Variants in CNTN1 observed in about 807,000 individuals in gnomAD.
CNTN1 encodes the protein contactin-1.
A neutral mutation model predicts 126.4 loss-of-function variants in CNTN1; 38 were observed. The ratio of observed to expected loss-of-function variants is 0.30; its 90% CI spans 0.23 to 0.39. CNTN1 has a LOEUF of 0.39. Among genes scored for constraint, CNTN1 ranks in the 10% least tolerant of loss-of-function variants. The probability of loss-of-function intolerance (pLI) is 1.00; values close to 1 mark genes in which losing one functional copy is unlikely to be tolerated. For synonymous variants in CNTN1, 413 were observed against 422.6 expected (o/e 0.98, Z 0.28); for missense variants, 1,009 against 1,248.4 (o/e 0.81, Z 2.89).
At chr12:40,747,752 G>T (rs369948776) in intron 1 of CNTN1, among the ~76,000 whole-genome samples, 2 of 152,154 alleles carry the variant, frequency 1.3e-5, no homozygotes. Context: ...TATTAATGTC[G>T]ATGGACTTGA....
At chr12:40,946,495 A>C (rs1396064712) in intron 14 of CNTN1, among the ~76,000 whole-genome samples, 1 of 152,170 alleles carries the variant, frequency 6.6e-6, no homozygotes, top group South Asian at 2.1e-4. Flanking sequence ...TAGGTTAAAT[A>C]AAACACTGAA....
At chr12:40,867,163 T>C (rs1187427585) in intron 1 of CNTN1, among the ~76,000 whole-genome samples, 1 of 152,172 alleles carries the variant, frequency 6.6e-6, no homozygotes, top group Non-Finnish European at 1.5e-5. Context: ...AGTTCAATCG[T>C]AAATCACTGA....
intron 18 of CNTN1, among the ~76,000 whole-genome samples, chr12:41,014,916 C>G (rs78308585): frequency 1.3e-5 from 2 of 152,178 alleles, no homozygotes; most frequent in Non-Finnish European, 2.9e-5. Flanking sequence ...TCTGACAAAA[C>G]TGTCTGACTT....
At chr12:41,049,068 C>A (rs1334760411) in intron 23 of CNTN1, among the ~76,000 whole-genome samples, 1 of 152,172 alleles carries the variant, frequency 6.6e-6, no homozygotes, top group African/African-American at 2.4e-5. Flanking sequence ...TGGCCACTTT[C>A]TCTTTCTTGG....
At chr12:40,927,500 G>C (rs1357407955) in intron 6 of CNTN1, among the ~76,000 whole-genome samples, 3 of 151,934 alleles carry the variant, frequency 2.0e-5, no homozygotes, top group Non-Finnish European at 4.4e-5. Flanking sequence ...TATGACCTCA[G>C]GCAAGTCACT....
intron 21 of CNTN1, among the ~76,000 whole-genome samples, chr12:41,025,810 G>A (rs1306082246): frequency 6.6e-6 from 1 of 152,098 alleles, no homozygotes; most frequent in Non-Finnish European, 1.5e-5. Flanking sequence ...GTTTTAGGTG[G>A]TTCATAAAAC....
chr12:40,925,728 G>A (rs1391808299), intron 6 of CNTN1, among the ~76,000 whole-genome samples: 6 of 139,788 alleles, frequency 4.3e-5, no homozygotes, highest in Admixed American at 7.3e-5. Context: ...AATACAGGAG[G>A]TACATATAAA....
At chr12:40,746,528 A>G (rs967475078) in intron 1 of CNTN1, among the ~76,000 whole-genome samples, 1 of 152,120 alleles carries the variant, frequency 6.6e-6, no homozygotes, top group African/African-American at 2.4e-5. Flanking sequence ...AAGGAAGGAA[A>G]GTACTTTGGA....
chr12:41,041,126 G>T (rs77654702), intron 23 of CNTN1, among the ~76,000 whole-genome samples: 133 of 125,736 alleles, frequency 1.1e-3, no homozygotes, highest in African/African-American at 8.8e-4. Context: ...TAGCATGAAG[G>T]GTTGTTGAAT....
intron 1 of CNTN1, among the ~76,000 whole-genome samples, chr12:40,724,636 A>T (rs1942303045): frequency 6.6e-6 from 1 of 152,224 alleles, no homozygotes; most frequent in Non-Finnish European, 1.5e-5. Context: ...GTCCTCCGTG[A>T]TCATGAGCAA....
chr12:40,973,475 C>A (rs753301655), intron 15 of CNTN1, among the ~76,000 whole-genome samples: 13 of 152,000 alleles, frequency 8.6e-5, no homozygotes, highest in Non-Finnish European at 1.6e-4. Context: ...ATAAATTGTT[C>A]TGAAAAGTTT....
At chr12:40,762,474 C>T (rs993302824) in intron 1 of CNTN1, among the ~76,000 whole-genome samples, 1 of 151,938 alleles carries the variant, frequency 6.6e-6, no homozygotes, top group Admixed American at 6.6e-5. Context: ...CAGAACTTAT[C>T]CAAAATAACA....
At chr12:40,996,721 G>A (rs1360366206) in intron 17 of CNTN1, among the ~76,000 whole-genome samples, 2 of 152,060 alleles carry the variant, frequency 1.3e-5, no homozygotes, top group East Asian at 3.8e-4. Context: ...TCTTTTAAAA[G>A]TCATTTTATG....
intron 1 of CNTN1, among the ~76,000 whole-genome samples, chr12:40,718,027 G>A (rs970004965): frequency 2.6e-5 from 4 of 152,074 alleles, no homozygotes; most frequent in African/African-American, 9.7e-5. Flanking sequence ...TTTTATTTAT[G>A]TTTTCACATG....
At chr12:40,937,007 C>T in intron 10 of CNTN1, 102 bp downstream of exon 10, 2 of 1,415,796 alleles carry the variant, frequency 1.4e-6, no homozygotes, top group Non-Finnish European at 2.0e-6. Flanking sequence ...ACAGAAAGGG[C>T]ACTTGGGCCC....
intron 3 of CNTN1, among the ~76,000 whole-genome samples, chr12:40,914,760 T>A (rs1461416430): frequency 6.6e-6 from 1 of 152,000 alleles, no homozygotes; most frequent in Admixed American, 6.6e-5. Flanking sequence ...TAAGTGGGAG[T>A]ATTGGGAAAT....
At chr12:40,937,781 TGTG>T in intron 11 of CNTN1, 94 bp downstream of exon 11, 1 of 797,318 alleles carries the variant, frequency 1.3e-6, no homozygotes, top group Non-Finnish European at 2.3e-6. Flanking sequence ...TACCCAGTAT[TGTG>T]TTAGGTGTAC....
At chr12:41,045,100 A>G (rs1408757926) in intron 23 of CNTN1, among the ~76,000 whole-genome samples, 1 of 152,030 alleles carries the variant, frequency 6.6e-6, no homozygotes, top group Non-Finnish European at 1.5e-5. Flanking sequence ...TTACATTAAG[A>G]TATCTATTCT....
intron 1 of CNTN1, among the ~76,000 whole-genome samples, chr12:40,790,802 C>T (rs1940192704): frequency 6.6e-6 from 1 of 152,104 alleles, no homozygotes; most frequent in South Asian, 2.1e-4. Context: ...TCTGAAGCCC[C>T]TTTAAAAATT....
Sources: gnomAD v4.1 joint callset for allele counts (sites outside exome capture counted in the v4.1 genomes callset) on GRCh38, gnomAD v4.1.1 for gene constraint, MANE v1.5 for transcripts, NCBI Gene and HGNC (gene_info 2026-07-23, HGNC 2026-07-21) for gene names.